Variants in OR2L13 observed in about 807,000 individuals in gnomAD.
OR2L13 encodes olfactory receptor family 2 subfamily L member 13.
OR2L13 carries 14 observed loss-of-function variants against 15.3 expected under a neutral mutation model. That is an observed-to-expected ratio of 0.91 (90% CI 0.60 to 1.43). OR2L13 has a LOEUF of 1.43. OR2L13 is among the 40% of genes most tolerant of loss of function. The probability of loss-of-function intolerance (pLI) is 0.00; values close to 1 mark genes in which losing one functional copy is unlikely to be tolerated. For missense variants in OR2L13, 367 were observed against 387.9 expected (o/e 0.95, Z 0.45); for synonymous variants, 152 against 142.9 (o/e 1.06, Z -0.45).
chr1:248,012,587 C>T, the OR2L13 span, among the ~76,000 whole-genome samples: 2 of 152,094 alleles, frequency 1.3e-5, no homozygotes, highest in South Asian at 4.1e-4. Context: ...GATGTGGCAT[C>T]TACTTTTATG....
chr1:247,981,121 G>C, the OR2L13 span, among the ~76,000 whole-genome samples: 1 of 152,178 alleles, frequency 6.6e-6, no homozygotes, highest in Non-Finnish European at 1.5e-5. Context: ...CAGTGGTTTT[G>C]CTGCTAACTC....
chr1:248,095,201 G>A (rs73129418), upstream of OR2L13: 22,243 of 152,170 alleles, frequency 0.15, 3,058 homozygotes, highest in African/African-American at 0.37. Flanking sequence ...TTCCAATGGT[G>A]GAACCTGAGA....
chr1:247,950,510 T>C, the OR2L13 span, among the ~76,000 whole-genome samples: 1 of 152,190 alleles, frequency 6.6e-6, no homozygotes, highest in Non-Finnish European at 1.5e-5. Context: ...TTTGGTATAG[T>C]GTAAGAATTG....
the OR2L13 span, among the ~76,000 whole-genome samples, chr1:247,955,367 G>C: frequency 2.6e-5 from 4 of 151,288 alleles, no homozygotes; most frequent in South Asian, 8.4e-4. Context: ...ATTTGGGTTG[G>C]TTCCAAGTCT....
chr1:248,021,852 T>C, the OR2L13 span: 1 of 900,832 alleles, frequency 1.1e-6, no homozygotes, highest in African/African-American at 1.7e-5. Flanking sequence ...AGGCATTCAC[T>C]GGAGGCCTTG....
chr1:248,011,803 C>A, the OR2L13 span, among the ~76,000 whole-genome samples: 1 of 152,146 alleles, frequency 6.6e-6, no homozygotes, highest in Non-Finnish European at 1.5e-5. Context: ...GGCAATTGAA[C>A]CCTGTGGGTG....
the OR2L13 span, among the ~76,000 whole-genome samples, chr1:248,088,627 T>C: frequency 9.9e-5 from 15 of 152,202 alleles, no homozygotes; most frequent in Admixed American, 3.9e-4. Flanking sequence ...GTAAAGTTGA[T>C]TCTGGCCTAC....
At chr1:248,023,156 A>G in the OR2L13 span, 2 of 260,042 alleles carry the variant, frequency 7.7e-6, no homozygotes. Flanking sequence ...AATCAAAACA[A>G]TAAATGTCCA....
the OR2L13 span, among the ~76,000 whole-genome samples, chr1:247,973,015 A>G: frequency 1.3e-5 from 2 of 152,224 alleles, no homozygotes; most frequent in Admixed American, 6.5e-5. Flanking sequence ...AACAGAACCA[A>G]TGACAAAAAC....
chr1:248,030,219 A>G, the OR2L13 span: 1 of 152,180 alleles, frequency 6.6e-6, no homozygotes, highest in South Asian at 2.1e-4. Flanking sequence ...GTGTTTGGAA[A>G]TGAGGAAATA....
the OR2L13 span, among the ~76,000 whole-genome samples, chr1:247,943,765 A>G: frequency 6.6e-6 from 1 of 152,152 alleles, no homozygotes; most frequent in Non-Finnish European, 1.5e-5. Context: ...ATCATTTTCC[A>G]CAGTGCCTTT....
the OR2L13 span, chr1:248,021,935 G>C: frequency 5.6e-6 from 9 of 1,599,362 alleles, no homozygotes; most frequent in South Asian, 4.5e-5. Context: ...AGGAAGGATC[G>C]TATGAATGCC....
the OR2L13 span, among the ~76,000 whole-genome samples, chr1:248,052,351 ACT>A: frequency 6.6e-6 from 1 of 152,016 alleles, no homozygotes; most frequent in African/African-American, 2.4e-5. Context: ...CTATTTCTTG[ACT>A]CTGTTTTATA....
chr1:248,054,458 C>CT, the OR2L13 span, among the ~76,000 whole-genome samples: 4 of 151,888 alleles, frequency 2.6e-5, no homozygotes, highest in Admixed American at 6.6e-5. Flanking sequence ...TAAAATAGTT[C>CT]TTTTTTTCTA....
the OR2L13 span, among the ~76,000 whole-genome samples, chr1:247,967,656 A>G: frequency 6.6e-6 from 1 of 152,148 alleles, no homozygotes; most frequent in South Asian, 2.1e-4. Flanking sequence ...GTCCAGAAAT[A>G]CCAGCTTTTG....
chr1:248,023,187 A>C, the OR2L13 span: 5,004 of 197,746 alleles, frequency 0.025, 232 homozygotes, highest in African/African-American at 0.11. Context: ...ATCATTCAGC[A>C]TAATAGTTAT....
At chr1:248,055,594 A>G in the OR2L13 span, among the ~76,000 whole-genome samples, 1 of 152,244 alleles carries the variant, frequency 6.6e-6, no homozygotes, top group South Asian at 2.1e-4. Flanking sequence ...TATCTCTACT[A>G]AAAATACAAA....
At chr1:248,077,170 C>T in the OR2L13 span, among the ~76,000 whole-genome samples, 2 of 152,148 alleles carry the variant, frequency 1.3e-5, no homozygotes, top group Non-Finnish European at 2.9e-5. Context: ...ATTGAACCAG[C>T]CTTGCATCCC....
the OR2L13 span, among the ~76,000 whole-genome samples, chr1:247,999,764 A>T: frequency 1.3e-5 from 2 of 152,098 alleles, no homozygotes; most frequent in East Asian, 3.9e-4. Flanking sequence ...ATTCTTACTA[A>T]AGACATGCAG....
Sources: gnomAD v4.1 joint callset for allele counts (sites outside exome capture counted in the v4.1 genomes callset) on GRCh38, gnomAD v4.1.1 for gene constraint, MANE v1.5 for transcripts, NCBI Gene and HGNC (gene_info 2026-07-23, HGNC 2026-07-21) for gene names.